The following GNA14 variants were observed in gnomAD, a reference collection of about 807,000 sequenced individuals.
GNA14 encodes G protein subunit alpha 14.
GNA14 carries 50 observed loss-of-function variants against 42.0 expected under a neutral mutation model. That is an observed-to-expected ratio of 1.19 (90% confidence interval 0.95 to 1.51). The LOEUF (loss-of-function observed/expected upper bound fraction) is 1.51. GNA14 is among the 40% of genes most tolerant of loss of function. The pLI, the probability that GNA14 is intolerant of heterozygous loss-of-function variation, is 0.00. For missense variants in GNA14, 473 were observed against 446.2 expected (o/e 1.06, Z -0.54); for synonymous variants, 173 against 163.1 (o/e 1.06, Z -0.46).
intron 1 of GNA14, among the ~76,000 whole-genome samples, chr9:77,565,816 T>C (rs999602419): frequency 1.3e-5 from 2 of 152,188 alleles, no homozygotes; most frequent in African/African-American, 4.8e-5. Context: ...TGGCTAACAT[T>C]GTATTTCTAT....
At chr9:77,495,339 G>GTA (rs1313339043) in intron 2 of GNA14, among the ~76,000 whole-genome samples, 7 of 152,022 alleles carry the variant, frequency 4.6e-5, no homozygotes, top group Admixed American at 3.3e-4. Context: ...ATCTACCTTA[G>GTA]TATAGAGTTG....
chr9:77,624,772 G>T (rs1289008802), intron 1 of GNA14, among the ~76,000 whole-genome samples: 1 of 151,960 alleles, frequency 6.6e-6, no homozygotes, highest in African/African-American at 2.4e-5. Flanking sequence ...AAGACCAAAG[G>T]TACATAAATT....
chr9:77,477,072 AT>A (rs1161556173), intron 2 of GNA14, among the ~76,000 whole-genome samples: 14 of 152,186 alleles, frequency 9.2e-5, no homozygotes, highest in Non-Finnish European at 1.9e-4. Flanking sequence ...GAAACCAGGT[AT>A]GGGCCAGGCA....
At chr9:77,619,192 C>T (rs369817542) in intron 1 of GNA14, among the ~76,000 whole-genome samples, 1 of 152,072 alleles carries the variant, frequency 6.6e-6, no homozygotes, top group African/African-American at 2.4e-5. Flanking sequence ...CCCAGCCAGG[C>T]ATTCCTATAA....
At chr9:77,521,936 G>T (rs1223913916) in intron 2 of GNA14, among the ~76,000 whole-genome samples, 1 of 152,032 alleles carries the variant, frequency 6.6e-6, no homozygotes, top group African/African-American at 2.4e-5. Context: ...AGATTCAAGC[G>T]ATTCTCCTGC....
At chr9:77,644,665 C>G (rs1030642587) in intron 1 of GNA14, among the ~76,000 whole-genome samples, 1 of 151,062 alleles carries the variant, frequency 6.6e-6, no homozygotes, top group Non-Finnish European at 1.5e-5. Flanking sequence ...TTTGTTATGG[C>G]AGCCCTAGCA....
chr9:77,588,744 A>G (rs1347398121), intron 1 of GNA14, among the ~76,000 whole-genome samples: 2 of 152,208 alleles, frequency 1.3e-5, no homozygotes, highest in East Asian at 3.9e-4. Flanking sequence ...TCAAACCTGA[A>G]TCTGAGTCAG....
intron 2 of GNA14, among the ~76,000 whole-genome samples, chr9:77,455,755 C>T (rs1009230462): frequency 8.5e-5 from 13 of 152,258 alleles, no homozygotes; most frequent in African/African-American, 2.9e-4. Context: ...CCTTGTGGTC[C>T]ATAGGAATCG....
chr9:77,482,189 A>T (rs546073712), intron 2 of GNA14, among the ~76,000 whole-genome samples: 4 of 152,054 alleles, frequency 2.6e-5, no homozygotes, highest in African/African-American at 9.7e-5. Context: ...GGCTGGTACC[A>T]GTTGTTCCTT....
intron 1 of GNA14, among the ~76,000 whole-genome samples, chr9:77,540,558 C>T (rs369818193): frequency 1.1e-4 from 17 of 152,076 alleles, no homozygotes; most frequent in Non-Finnish European, 1.9e-4. Context: ...TGTCTAACGA[C>T]GAGAGTGGAG....
chr9:77,546,384 A>C (rs562191429), intron 1 of GNA14, among the ~76,000 whole-genome samples: 1 of 152,240 alleles, frequency 6.6e-6, no homozygotes, highest in African/African-American at 2.4e-5. Context: ...TCAACAAATA[A>C]GTTTGTGCCT....
At chr9:77,620,014 C>A (rs79862051) in intron 1 of GNA14, among the ~76,000 whole-genome samples, 2 of 152,032 alleles carry the variant, frequency 1.3e-5, no homozygotes, top group African/African-American at 2.4e-5. Context: ...CTATTTCTAC[C>A]GTTTGTCACC....
intron 2 of GNA14, among the ~76,000 whole-genome samples, chr9:77,518,381 A>G (rs1035224980): frequency 1.3e-5 from 2 of 152,102 alleles, no homozygotes; most frequent in African/African-American, 4.8e-5. Context: ...CATCATGATG[A>G]TAAAACCCCA....
At chr9:77,510,921 T>C (rs2131750031) in intron 2 of GNA14, among the ~76,000 whole-genome samples, 1 of 152,140 alleles carries the variant, frequency 6.6e-6, no homozygotes, top group East Asian at 1.9e-4. Context: ...AGCCCAGCCC[T>C]TGGTGGGGGA....
intron 2 of GNA14, among the ~76,000 whole-genome samples, chr9:77,483,560 C>T (rs1425839970): frequency 1.3e-5 from 2 of 152,138 alleles, no homozygotes; most frequent in Non-Finnish European, 2.9e-5. Flanking sequence ...CTCAGATCTC[C>T]AGCTGCATGC....
intron 1 of GNA14, among the ~76,000 whole-genome samples, chr9:77,571,377 G>A (rs780684676): frequency 7.9e-5 from 12 of 152,022 alleles, no homozygotes; most frequent in Non-Finnish European, 1.3e-4. Context: ...GATTTAAGAG[G>A]GTCTTATTTG....
chr9:77,615,685 G>A (rs910908985), intron 1 of GNA14, among the ~76,000 whole-genome samples: 6 of 144,810 alleles, frequency 4.1e-5, no homozygotes, highest in African/African-American at 1.6e-4. Context: ...ACCCACTGCT[G>A]GTGGTTGAAA....
At chr9:77,564,881 A>G (rs1587831750) in intron 1 of GNA14, among the ~76,000 whole-genome samples, 1 of 151,986 alleles carries the variant, frequency 6.6e-6, no homozygotes, top group Non-Finnish European at 1.5e-5. Context: ...TTCTTTGGCC[A>G]CCTGCCCTGC....
chr9:77,464,351 ATGTGTGTGTGTGTGTG>A (rs35743834), intron 2 of GNA14, among the ~76,000 whole-genome samples: 20 of 144,812 alleles, frequency 1.4e-4, no homozygotes, highest in Non-Finnish European at 1.5e-4. Context: ...GTGTGTGTAT[ATGTGTGTGTGTGTGTG>A]TGTGTGTGTG....
Sources: gnomAD v4.1 joint callset for allele counts (sites outside exome capture counted in the v4.1 genomes callset) on GRCh38, gnomAD v4.1.1 for gene constraint, MANE v1.5 for transcripts, NCBI Gene and HGNC (gene_info 2026-07-23, HGNC 2026-07-21) for gene names.